Variants in KCNH7 observed in about 807,000 individuals in gnomAD.
KCNH7 encodes voltage-gated inwardly rectifying potassium channel KCNH7.
Under a neutral mutation model 120.8 loss-of-function variants are expected in KCNH7, and 49 were observed. That is an observed-to-expected ratio of 0.41 (90% CI 0.32 to 0.51). The LOEUF is 0.51. Ranked by LOEUF, KCNH7 falls within the 20% of genes least tolerant of loss-of-function variation. The probability of loss-of-function intolerance (pLI) is 0.38; values close to 1 mark genes in which losing one functional copy is unlikely to be tolerated. For synonymous variants in KCNH7, 547 were observed against 516.1 expected, an observed-to-expected ratio of 1.06 and a Z score of -0.81; for missense variants, 1,097 against 1,446.6, an observed-to-expected ratio of 0.76 and a Z score of 3.92.
rs372683934 is a variant in KCNH7 at position 162,500,231 on chromosome 2, T to C, written c.1128+4212A>G. ...TATATACAATATAATATATAATATG[T>C]ATGTTACATATACACATACTATGTA... On this transcript the variant is annotated intron_variant, in intron 6 of 15. Transcript: ENST00000332142. Among the ~76,000 whole-genome samples the C allele has an allele frequency of 9.4e-4, 139 of 148,060 alleles. 1 individual carries two copies. In the East Asian group the frequency reaches 0.022, roughly 23 times the overall value.
chr2:162,598,219 T>C (rs894648259), intron 2 of KCNH7, among the ~76,000 whole-genome samples: 2 of 152,104 alleles, frequency 1.3e-5, no homozygotes, highest in African/African-American at 4.8e-5. Flanking sequence ...GAATAATTGA[T>C]TTTCAATGCC....
chr2:162,600,443 C>A (rs985847035), intron 2 of KCNH7, among the ~76,000 whole-genome samples: 7 of 152,030 alleles, frequency 4.6e-5, no homozygotes, highest in African/African-American at 1.7e-4. Flanking sequence ...TTTGTCTCTG[C>A]CAGTTTTACA....
intron 2 of KCNH7, among the ~76,000 whole-genome samples, chr2:162,699,939 A>G (rs554488386): frequency 9.5e-4 from 145 of 152,296 alleles, no homozygotes; most frequent in African/African-American, 3.3e-3. Flanking sequence ...CACCTAGGAA[A>G]CGTGACCTAG....
intron 2 of KCNH7, among the ~76,000 whole-genome samples, chr2:162,652,550 C>A (rs1375075346): frequency 6.6e-6 from 1 of 152,136 alleles, no homozygotes; most frequent in Non-Finnish European, 1.5e-5. Context: ...GGATCCCTTA[C>A]ATGTGCAGTC....
chr2:162,486,340 C>G (rs1188259891), intron 6 of KCNH7, among the ~76,000 whole-genome samples: 1 of 152,140 alleles, frequency 6.6e-6, no homozygotes, highest in East Asian at 1.9e-4. Context: ...TCCCTCCCAG[C>G]AGGGAGATTT....
At chr2:162,443,590 T>C (rs1324694810) in intron 7 of KCNH7, among the ~76,000 whole-genome samples, 4 of 152,204 alleles carry the variant, frequency 2.6e-5, no homozygotes. Flanking sequence ...CTCCAAAATA[T>C]ATCCCAAATT....
intron 2 of KCNH7, among the ~76,000 whole-genome samples, chr2:162,750,338 A>C (rs551748689): frequency 1.5e-4 from 23 of 152,224 alleles, no homozygotes; most frequent in Admixed American, 1.1e-3. Flanking sequence ...TCATGGGAGC[A>C]AAAATTTAAA....
At chr2:162,617,268 A>C (rs1683172342) in intron 2 of KCNH7, among the ~76,000 whole-genome samples, 1 of 152,096 alleles carries the variant, frequency 6.6e-6, no homozygotes, top group Non-Finnish European at 1.5e-5. Flanking sequence ...TCACGAGGTC[A>C]GGAGATCGAG....
intron 4 of KCNH7, 43 bp from the exon 5 acceptor site, chr2:162,512,717 G>T: frequency 6.6e-7 from 1 of 1,511,756 alleles, no homozygotes; most frequent in Non-Finnish European, 9.2e-7. Flanking sequence ...AATATAAAAA[G>T]AAGACTAAAA....
At chr2:162,503,040 C>A (rs181489136) in intron 6 of KCNH7, among the ~76,000 whole-genome samples, 1 of 152,230 alleles carries the variant, frequency 6.6e-6, no homozygotes, top group East Asian at 1.9e-4. Context: ...ATTGGTCAAG[C>A]ATTTCTGCCT....
At chr2:162,637,993 AT>A (rs1299038452) in intron 2 of KCNH7, among the ~76,000 whole-genome samples, 1 of 152,082 alleles carries the variant, frequency 6.6e-6, no homozygotes, top group Non-Finnish European at 1.5e-5. Flanking sequence ...ATGGAGGAGC[AT>A]TTTTTAAATA....
intron 2 of KCNH7, among the ~76,000 whole-genome samples, chr2:162,691,019 C>A (rs969036885): frequency 2.0e-5 from 3 of 152,148 alleles, no homozygotes; most frequent in African/African-American, 7.2e-5. Context: ...AGACTCTACT[C>A]AGTAGGGCTA....
chr2:162,400,133 C>A lies in KCNH7; in HGVS notation c.2407+56G>T. 1.9e-6 allele frequency: 3 copies of A among 1,565,576 alleles called. No homozygotes were observed. The South Asian group carries it at 3.5e-5, about 18-fold the overall frequency. Reference sequence around the variant, plus strand: ...GTCTTTTTTTCCTAATCATTTTAAACTATGCATTACAAGCTAATAACTGAA... The same window carrying A: ...GTCTTTTTTTCCTAATCATTTTAAAATATGCATTACAAGCTAATAACTGAA... On this transcript the variant is annotated intron_variant, in intron 10 of 15. Transcript: ENST00000332142.
At chr2:162,523,642 A>C (rs1691604857) in intron 3 of KCNH7, among the ~76,000 whole-genome samples, 1 of 151,768 alleles carries the variant, frequency 6.6e-6, no homozygotes, top group African/African-American at 2.4e-5. Context: ...TTTGACTTCA[A>C]CCAATTCTTC....
At chr2:162,517,233 C>T (rs1312569775) in intron 4 of KCNH7, among the ~76,000 whole-genome samples, 1 of 151,550 alleles carries the variant, frequency 6.6e-6, no homozygotes, top group Non-Finnish European at 1.5e-5. Flanking sequence ...TAAATTTTTC[C>T]CCTTCATCCT....
chr2:162,496,103 G>T (rs1349762457), intron 6 of KCNH7, among the ~76,000 whole-genome samples: 2 of 152,056 alleles, frequency 1.3e-5, no homozygotes, highest in Non-Finnish European at 2.9e-5. Flanking sequence ...TTCTTCCATG[G>T]ACCCTTAAAC....
intron 2 of KCNH7, among the ~76,000 whole-genome samples, chr2:162,613,072 C>T (rs2105975125): frequency 6.6e-6 from 1 of 151,894 alleles, no homozygotes; most frequent in African/African-American, 2.4e-5. Flanking sequence ...AGAAAACAAC[C>T]ACATATGCCT....
At chr2:162,471,318 AT>A (rs1251276834) in intron 6 of KCNH7, among the ~76,000 whole-genome samples, 1 of 151,744 alleles carries the variant, frequency 6.6e-6, no homozygotes, top group Non-Finnish European at 1.5e-5. Context: ...AGGAATCTGA[AT>A]TTTAACAAGC....
chr2:162,684,104 T>G (rs1440371264), intron 2 of KCNH7, among the ~76,000 whole-genome samples: 1 of 152,110 alleles, frequency 6.6e-6, no homozygotes, highest in Non-Finnish European at 1.5e-5. Flanking sequence ...GGGGAAAGGA[T>G]TCCCTATTTA....
Sources: gnomAD v4.1 joint callset for allele counts (sites outside exome capture counted in the v4.1 genomes callset) on GRCh38, gnomAD v4.1.1 for gene constraint, MANE v1.5 for transcripts, NCBI Gene and HGNC (gene_info 2026-07-23, HGNC 2026-07-21) for gene names.